XKRX: variants seen among roughly 807,000 people sequenced by gnomAD.
The protein encoded by XKRX is XK-related protein 2.
A neutral mutation model predicts 22.4 loss-of-function variants in XKRX; 11 were observed. The observed-to-expected ratio is 0.49, with a 90% CI of 0.31 to 0.81. The LOEUF is 0.81. Ranked by LOEUF, XKRX falls within the 40% of genes least tolerant of loss-of-function variation. The pLI is 0.05. For synonymous variants in XKRX, 114 were observed against 132.2 expected (o/e 0.86, Z 0.94); for missense variants, 320 against 336.5 (o/e 0.95, Z 0.38).
chrX:100,943,253 G>C, the XKRX span, among the ~76,000 whole-genome samples: 1 of 111,909 alleles, frequency 8.9e-6, no homozygotes, highest in South Asian at 3.7e-4. Flanking sequence ...ATCTATGCAT[G>C]TACCACAAAT....
rs749694464 is a variant in XKRX, at chrX:100,928,431, A to T, written c.-127T>A. The T allele has an allele frequency of 1.7e-5, 19 of 1,133,047 alleles. No homozygotes were observed. The highest frequency in any genetic ancestry group is 3.8e-5 in the African/African-American group (2 of 52,981). 93.4% of individuals were successfully genotyped at this position (1,133,047 alleles called of 1,213,427 possible). A position where few individuals can be genotyped will look rare whatever the true frequency, so the allele number is the denominator to read the frequency against. On this transcript the variant is annotated 5_prime_UTR_variant, in exon 1 of 3. Coordinates refer to ENST00000372956, the MANE Select transcript of XKRX (RefSeq NM_212559.3). Reference sequence around the variant, plus strand: ...AGAGCTCTGTCAAGTCCAGTTTGGGAACAGAGATTCACTAGTTAGAGCAAG... The same window carrying T: ...AGAGCTCTGTCAAGTCCAGTTTGGGTACAGAGATTCACTAGTTAGAGCAAG...
intron 2 of XKRX, among the ~76,000 whole-genome samples, chrX:100,921,506 T>C (rs1410416434): frequency 9.0e-6 from 1 of 111,667 alleles, no homozygotes; most frequent in Non-Finnish European, 1.9e-5. Flanking sequence ...TCTCCTTACC[T>C]TATTTGAGAC....
chrX:100,952,264 T>C, the XKRX span, among the ~76,000 whole-genome samples: 2 of 110,988 alleles, frequency 1.8e-5, no homozygotes, highest in Non-Finnish European at 3.8e-5. Flanking sequence ...CCATTCATGA[T>C]AAAAGCTCTT....
At chrX:100,953,579 A>G in the XKRX span, among the ~76,000 whole-genome samples, 9 of 111,808 alleles carry the variant, frequency 8.0e-5, no homozygotes, top group African/African-American at 2.9e-4. Flanking sequence ...TGCAAATCAT[A>G]TATCTGATAA....
chrX:100,887,605 T>C, the XKRX span: 2 of 640,396 alleles, frequency 3.1e-6, no homozygotes, highest in Non-Finnish European at 5.1e-6. Context: ...CTTCTCTGGC[T>C]CTCCTCTCCT....
chrX:100,899,599 A>T, the XKRX span, among the ~76,000 whole-genome samples: 2 of 112,609 alleles, frequency 1.8e-5, no homozygotes, highest in Non-Finnish European at 3.7e-5. Flanking sequence ...GATCTTATAT[A>T]TGGAAACTTC....
At chrX:100,907,638 C>T in the XKRX span, among the ~76,000 whole-genome samples, 17 of 111,971 alleles carry the variant, frequency 1.5e-4, no homozygotes, top group South Asian at 7.5e-4. Context: ...CAGTTTTTCA[C>T]CATGATAAAT....
rs1260711860 is a variant in XKRX, at chrX:100,913,891, G to A, written c.*447C>T. 2.5e-5 allele frequency: 3 copies of A among 119,035 alleles called. No homozygotes were observed. Among genetic ancestry groups the A allele is most frequent in the East Asian group, 5.1e-4 (2 of 3,907 alleles). The allele number at this position is 119,035 out of a possible 1,213,427, so 9.8% of individuals were successfully genotyped here. The stretch of plus-strand genomic sequence containing the variant: ...ACTGACAGTTGCAGGTTCCACATTA[G>A]TCAGACTGTTTCCTGGGAGGTACTC... On this transcript the variant is annotated 3_prime_UTR_variant, in exon 3 of 3. Transcript: ENST00000372956.
At chrX:100,909,326 T>G (rs1033055750), downstream of XKRX, among the ~76,000 whole-genome samples, 12 of 111,687 alleles carry the variant, frequency 1.1e-4, no homozygotes, top group African/African-American at 3.9e-4. Flanking sequence ...TAAGGAGTGT[T>G]TAAGGGGAAA....
At chrX:100,932,379 A>C (rs764701808), upstream of XKRX, among the ~76,000 whole-genome samples, 3 of 111,621 alleles carry the variant, frequency 2.7e-5, no homozygotes, top group East Asian at 5.7e-4. Context: ...CCCACAGACT[A>C]GTCATCTGAG....
chrX:100,950,316 TA>T, the XKRX span, among the ~76,000 whole-genome samples: 1 of 112,204 alleles, frequency 8.9e-6, no homozygotes, highest in Non-Finnish European at 1.9e-5. Context: ...AATATCCATA[TA>T]AAATATATAT....
the XKRX span, among the ~76,000 whole-genome samples, chrX:100,902,959 C>T: frequency 9.2e-6 from 1 of 108,736 alleles, no homozygotes; most frequent in African/African-American, 3.4e-5. Flanking sequence ...CTGTGTTAGC[C>T]AGGATGGTCT....
At chrX:100,887,879 G>C in the XKRX span, 2 of 1,161,849 alleles carry the variant, frequency 1.7e-6, no homozygotes, top group Non-Finnish European at 2.3e-6. Flanking sequence ...CATCCCCACT[G>C]CCACCATATC....
At chrX:100,916,223 T>C (rs748978160) in intron 2 of XKRX, among the ~76,000 whole-genome samples, 1 of 111,305 alleles carries the variant, frequency 9.0e-6, no homozygotes, top group Non-Finnish European at 1.9e-5. Flanking sequence ...CTTGAATATA[T>C]ACAATAAAAC....
chrX:100,891,792 AAAGAAAGT>A, the XKRX span, among the ~76,000 whole-genome samples: 427 of 107,428 alleles, frequency 4.0e-3, 12 homozygotes, highest in African/African-American at 0.014. Context: ...AGAAAGAAAG[AAAGAAAGT>A]AAGTTAAAAA....
chrX:100,902,088 CA>C, the XKRX span, among the ~76,000 whole-genome samples: 600 of 102,981 alleles, frequency 5.8e-3, 5 homozygotes, highest in African/African-American at 0.019. Context: ...CATTCTCAGA[CA>C]AAAAAAAAAT....
intron 2 of XKRX, among the ~76,000 whole-genome samples, chrX:100,916,122 A>G (rs1332298320): frequency 9.1e-6 from 1 of 109,827 alleles, no homozygotes; most frequent in African/African-American, 3.3e-5. Context: ...TACAAAAATG[A>G]TAACTATGTG....
rs182265780 is a variant in XKRX at position 100,922,774 on chromosome X, C to A, written c.604+19G>T. The A allele has an allele frequency of 5.8e-6, 7 of 1,198,749 alleles. No individual in the cohort carries two copies. The East Asian group carries it at 1.5e-4, about 26-fold the overall frequency. ...CCCTTGATTTAACTGGAGCCCTCCC[C>A]TCTCCTGACCCCACTCACCTCTACC... On this transcript the variant is annotated intron_variant, in intron 2 of 2. Coordinates refer to ENST00000372956, the MANE Select transcript of XKRX (RefSeq NM_212559.3).
the XKRX span, among the ~76,000 whole-genome samples, chrX:100,906,801 T>C: frequency 9.0e-6 from 1 of 111,502 alleles, no homozygotes; most frequent in Non-Finnish European, 1.9e-5. Flanking sequence ...TGAGAGAATA[T>C]TTCCATGCTT....
Sources: allele counts gnomAD v4.1 joint callset (sites outside exome capture counted in the v4.1 genomes callset), GRCh38; gene constraint gnomAD v4.1.1; transcripts MANE v1.5; gene names NCBI Gene and HGNC (gene_info 2026-07-23, HGNC 2026-07-21).